The following SCFD1 variants were observed in gnomAD, a reference collection of about 807,000 sequenced individuals.
SCFD1 encodes sec1 family domain containing 1.
In SCFD1, 37 loss-of-function variants were observed where a neutral mutation model predicts 103.2. The ratio of observed to expected loss-of-function variants is 0.36; its 90% confidence interval spans 0.28 to 0.47. SCFD1 has a LOEUF of 0.47. SCFD1 is among the 20% of genes least tolerant of loss of function. The pLI, the probability that SCFD1 is intolerant of heterozygous loss-of-function variation, is 1.00. For missense variants in SCFD1, 639 were observed against 761.2 expected, an observed-to-expected ratio of 0.84 and a Z score of 1.89; for synonymous variants, 264 against 245.0, an observed-to-expected ratio of 1.08 and a Z score of -0.73.
chr14:30,648,764 G>A (rs1594604743), intron 7 of SCFD1, among the ~76,000 whole-genome samples: 1 of 152,162 alleles, frequency 6.6e-6, no homozygotes, highest in South Asian at 2.1e-4. Flanking sequence ...GGGAACACAG[G>A]CACACACCAC....
intron 10 of SCFD1, among the ~76,000 whole-genome samples, chr14:30,661,295 A>G (rs945062796): frequency 2.6e-5 from 4 of 152,174 alleles, no homozygotes; most frequent in East Asian, 1.9e-4. Context: ...GTGTGAACCA[A>G]AGAAACCAGA....
At chr14:30,674,627 G>A (rs1424181564) in intron 13 of SCFD1, among the ~76,000 whole-genome samples, 9 of 150,920 alleles carry the variant, frequency 6.0e-5, no homozygotes, top group South Asian at 2.1e-4. Flanking sequence ...CAGCCCAGGC[G>A]ACAGAGACTC....
intron 14 of SCFD1, among the ~76,000 whole-genome samples, chr14:30,684,793 G>T (rs1193566560): frequency 2.2e-4 from 18 of 82,844 alleles, no homozygotes; most frequent in Admixed American, 6.2e-4. Flanking sequence ...GCTGTATGTT[G>T]CAATTGTTTC....
chr14:30,695,335 G>A (rs1460487442), intron 15 of SCFD1, among the ~76,000 whole-genome samples: 2 of 152,104 alleles, frequency 1.3e-5, no homozygotes, highest in Non-Finnish European at 2.9e-5. Context: ...TTGTATGTTA[G>A]ATTTTCTTAA....
intron 6 of SCFD1, among the ~76,000 whole-genome samples, chr14:30,642,031 G>A (rs1885326922): frequency 6.6e-6 from 1 of 152,186 alleles, no homozygotes; most frequent in African/African-American, 2.4e-5. Flanking sequence ...TTCTTAAAGT[G>A]TAGCCCCAAG....
At chr14:30,682,995 T>TC (rs1429246446) in intron 14 of SCFD1, 2 of 911,592 alleles carry the variant, frequency 2.2e-6, no homozygotes, top group East Asian at 5.4e-5. Flanking sequence ...AGACAGACCA[T>TC]CTAAGGAAAA....
intron 23 of SCFD1, among the ~76,000 whole-genome samples, chr14:30,727,055 GA>G (rs1361550861): frequency 6.6e-6 from 1 of 152,174 alleles, no homozygotes; most frequent in Non-Finnish European, 1.5e-5. Flanking sequence ...AGTGTCTTAT[GA>G]GTAGTAATTA....
At chr14:30,664,774 C>G (rs1887779337) in intron 10 of SCFD1, among the ~76,000 whole-genome samples, 1 of 152,044 alleles carries the variant, frequency 6.6e-6, no homozygotes, top group South Asian at 2.1e-4. Context: ...CCAATTCGAT[C>G]AAGTGGAAGA....
chr14:30,648,149 A>T (rs1886036242), intron 7 of SCFD1, among the ~76,000 whole-genome samples: 1 of 152,192 alleles, frequency 6.6e-6, no homozygotes, highest in East Asian at 1.9e-4. Context: ...TCTAATTCTA[A>T]TGGGGGTTGT....
chr14:30,643,377 C>G lies in SCFD1; in HGVS notation c.585C>G (p.Asp195Glu). 1 of 1,613,266 alleles carries G rather than the reference C, an allele frequency of 6.2e-7. No homozygotes were observed. Among genetic ancestry groups the G allele is most frequent in the Non-Finnish European group, 8.5e-7 (1 of 1,179,310 alleles). The change falls in exon 7 of 25, where the codon GAC becomes GAG. Residue 195 changes from aspartate to glutamate, a missense_variant. Transcript: ENST00000458591. ...AAACTGTTATGGACACTATAGTTGA[C>G]AGCCTCTTCTGCTTTTTTGTTACTC... ...EMETVMDTIV[D>E]SLFCFFVTLG...
intron 1 of SCFD1, among the ~76,000 whole-genome samples, chr14:30,625,994 G>A (rs1267786307): frequency 1.3e-5 from 2 of 152,032 alleles, no homozygotes; most frequent in African/African-American, 2.4e-5. Context: ...CAGAAACAGG[G>A]TTTCCTCCCT....
intron 7 of SCFD1, among the ~76,000 whole-genome samples, chr14:30,647,329 A>G (rs927765431): frequency 1.3e-5 from 2 of 152,126 alleles, no homozygotes; most frequent in African/African-American, 4.8e-5. Context: ...GAGAATTTAT[A>G]TGCAAATTGT....
intron 15 of SCFD1, among the ~76,000 whole-genome samples, chr14:30,696,052 T>A (rs1890678638): frequency 6.6e-6 from 1 of 152,210 alleles, no homozygotes; most frequent in South Asian, 2.1e-4. Flanking sequence ...AAATCTCAGC[T>A]TTTTCCAAAA....
At chr14:30,667,155 A>G (rs1173704855) in intron 10 of SCFD1, among the ~76,000 whole-genome samples, 3 of 152,268 alleles carry the variant, frequency 2.0e-5, no homozygotes, top group Admixed American at 6.5e-5. Flanking sequence ...GAAAATCCTC[A>G]ATAAAATACT....
intron 5 of SCFD1, among the ~76,000 whole-genome samples, chr14:30,638,923 A>G (rs958026813): frequency 6.6e-6 from 1 of 152,216 alleles, no homozygotes; most frequent in Admixed American, 6.5e-5. Context: ...TATACTTTCT[A>G]TTCTTTTTCT....
At chr14:30,697,646 G>A (rs2139324004) in intron 15 of SCFD1, among the ~76,000 whole-genome samples, 1 of 152,282 alleles carries the variant, frequency 6.6e-6, no homozygotes, top group Admixed American at 6.5e-5. Context: ...GAGAGGTAAA[G>A]GGCTAGTAGG....
intron 19 of SCFD1, among the ~76,000 whole-genome samples, chr14:30,715,083 G>GAACTT (rs1380894471): frequency 1.3e-5 from 2 of 152,120 alleles, no homozygotes; most frequent in Non-Finnish European, 2.9e-5. Context: ...TGAAAACTTG[G>GAACTT]AACTTATCCC....
intron 16 of SCFD1, among the ~76,000 whole-genome samples, chr14:30,700,774 C>G (rs975898246): frequency 6.6e-6 from 1 of 152,164 alleles, no homozygotes; most frequent in Non-Finnish European, 1.5e-5. Context: ...GGAAACTACC[C>G]GTGAAACATC....
intron 11 of SCFD1, among the ~76,000 whole-genome samples, chr14:30,672,599 G>T (rs1403794651): frequency 6.6e-6 from 1 of 152,118 alleles, no homozygotes; most frequent in Non-Finnish European, 1.5e-5. Flanking sequence ...TATTCACCTA[G>T]AGTTTGTCAA....
Sources: gnomAD v4.1 joint callset for allele counts (sites outside exome capture counted in the v4.1 genomes callset) on GRCh38, gnomAD v4.1.1 for gene constraint, MANE v1.5 for transcripts, NCBI Gene and HGNC (gene_info 2026-07-23, HGNC 2026-07-21) for gene names.